Variants in NFKBIZ observed in about 807,000 individuals in gnomAD.
The protein encoded by NFKBIZ is NF-kappa-B inhibitor zeta.
NFKBIZ carries 19 observed loss-of-function variants against 76.8 expected under a neutral mutation model. That is an observed-to-expected ratio of 0.25 (90% CI 0.17 to 0.36). The LOEUF (loss-of-function observed/expected upper bound fraction) is 0.36, where lower values mean the gene tolerates loss of function less well. Among genes scored for constraint, NFKBIZ ranks in the 10% least tolerant of loss-of-function variants. The pLI, the probability that NFKBIZ is intolerant of heterozygous loss-of-function variation, is 1.00. For synonymous variants in NFKBIZ, 368 were observed against 354.8 expected, an observed-to-expected ratio of 1.04 and a Z score of -0.42; for missense variants, 829 against 910.9, an observed-to-expected ratio of 0.91 and a Z score of 1.16.
chr3:101,858,402 G>A (rs1943083166), intron 11 of NFKBIZ: 4 of 985,058 alleles, frequency 4.1e-6, no homozygotes, highest in Non-Finnish European at 4.8e-6. Context: ...ATTCAGAGAG[G>A]TTCCAAGGAC....
chr3:101,858,333 A>G, intron 11 of NFKBIZ: 3 of 964,702 alleles, frequency 3.1e-6, no homozygotes, highest in Non-Finnish European at 3.7e-6. Flanking sequence ...GTTTTCATGT[A>G]TATCATTTAA....
chr3:101,849,894 G>A lies in NFKBIZ; in HGVS notation c.266G>A (p.Gly89Asp). ...CGAVESRSRGGARAERQPVEP... is the reference protein window; with the variant it reads ...CGAVESRSRGDARAERQPVEP... ...GCCGTGGAGTCCCGGTCGAGAGGCG[G>A]CGCCCGCGCCGAGCGCCAGCCAGGT... Residue 89 changes from glycine (G) to aspartate (D), a missense_variant, in exon 1 of 12, where the codon GGC (glycine) becomes GAC (aspartate). Gly to Asp is a moderately conservative substitution (Grantham distance 94). Transcript: ENST00000326172. The A allele has an allele frequency of 7.0e-7, 1 of 1,431,720 alleles. No homozygotes were observed. Among genetic ancestry groups the A allele is most frequent in the South Asian group, 1.4e-5 (1 of 71,070 alleles). 88.7% of individuals were successfully genotyped at this position (1,431,720 alleles called of 1,614,324 possible).
chr3:101,857,183 G>T lies in NFKBIZ; in HGVS notation c.1935G>T (p.Lys645Asn). ...GTTGCCTGTCTTTTGTGAATGCAAA[G>T]GTACACCAGAGTTGGAATGGCCTTC... ...LPSCLSFVNA[K>N]AYNGNTALHV... The change falls in exon 10 of 12, where the codon AAG (lysine) becomes AAT (asparagine). Residue 645 changes from lysine (K) to asparagine (N), a missense_variant and splice_region_variant. Lys to Asn is a moderately conservative substitution (Grantham distance 94). Coordinates refer to ENST00000326172, the MANE Select transcript of NFKBIZ (RefSeq NM_031419.4). The T allele has an allele frequency of 4.3e-6, 1 of 234,674 alleles. No individual in the cohort carries two copies. Among genetic ancestry groups the T allele is most frequent in the South Asian group, 5.8e-5 (1 of 17,264 alleles). 14.5% of individuals were successfully genotyped at this position (234,674 alleles called of 1,614,324 possible).
chr3:101,855,661 A>AT (rs2107420664), intron 8 of NFKBIZ, 72 bp from the exon 9 acceptor site: 1 of 1,481,590 alleles, frequency 6.7e-7, no homozygotes, highest in East Asian at 2.3e-5. Flanking sequence ...CATCCTCAGC[A>AT]TTTGTCATTA....
chr3:101,841,353 T>G (rs1310669342), intron 2 of NFKBIZ, among the ~76,000 whole-genome samples: 2 of 152,340 alleles, frequency 1.3e-5, no homozygotes, highest in East Asian at 3.9e-4. Context: ...TAAGTGCCAG[T>G]AGAACTGAGT....
intron 2 of NFKBIZ, among the ~76,000 whole-genome samples, chr3:101,832,490 G>A (rs1942660206): frequency 6.6e-6 from 1 of 151,890 alleles, no homozygotes; most frequent in Admixed American, 6.6e-5. Context: ...CAAGTCCCTG[G>A]CAACCACCCC....
chr3:101,840,077 C>A (rs1409179685), intron 2 of NFKBIZ, among the ~76,000 whole-genome samples: 1 of 152,118 alleles, frequency 6.6e-6, no homozygotes, highest in Non-Finnish European at 1.5e-5. Context: ...TGTTTTAAGG[C>A]AGTTCAGATT....
At chr3:101,849,500 C>A, upstream of NFKBIZ, 1 of 804,918 alleles carries the variant, frequency 1.2e-6, no homozygotes, top group Non-Finnish European at 1.7e-6. Flanking sequence ...CCCTGGCAGT[C>A]CCGCGCCGCG....
chr3:101,851,938 T>G, intron 1 of NFKBIZ, 147 bp from the exon 2 acceptor site: 1 of 855,134 alleles, frequency 1.2e-6, no homozygotes, highest in Non-Finnish European at 1.8e-6. Context: ...CACAAGGCCA[T>G]TGATTGACCA....
chr3:101,843,681 G>A (rs1942815508), intron 2 of NFKBIZ, among the ~76,000 whole-genome samples: 1 of 152,088 alleles, frequency 6.6e-6, no homozygotes, highest in African/African-American at 2.4e-5. Context: ...AAAATCCATT[G>A]GCCACATCTT....
At chr3:101,837,216 A>G (rs978003779) in intron 2 of NFKBIZ, among the ~76,000 whole-genome samples, 4 of 152,196 alleles carry the variant, frequency 2.6e-5, no homozygotes, top group Admixed American at 2.6e-4. Context: ...TCATAATCAA[A>G]GGTAAATGTG....
chr3:101,855,563 C>T (rs945456835), intron 8 of NFKBIZ, 105 bp downstream of exon 8: 252 of 1,303,352 alleles, frequency 1.9e-4, no homozygotes, highest in Non-Finnish European at 2.4e-4. Flanking sequence ...CTAAAATATT[C>T]TGTAGGTAAA....
chr3:101,850,581 A>G (rs1402860320), intron 1 of NFKBIZ, among the ~76,000 whole-genome samples: 1 of 152,044 alleles, frequency 6.6e-6, no homozygotes, highest in Non-Finnish European at 1.5e-5. Context: ...GTTATCTTTC[A>G]TGGGCTGCGA....
chr3:101,834,401 C>T (rs1456902936), intron 2 of NFKBIZ, among the ~76,000 whole-genome samples: 1 of 151,944 alleles, frequency 6.6e-6, no homozygotes, highest in Non-Finnish European at 1.5e-5. Flanking sequence ...CACTCTGTTA[C>T]CCAGGCTGGA....
chr3:101,847,999 G>A (rs904984898), upstream of NFKBIZ, among the ~76,000 whole-genome samples: 17 of 152,286 alleles, frequency 1.1e-4, no homozygotes, highest in East Asian at 1.9e-4. Flanking sequence ...CCAAAAGAGC[G>A]AGACCTGTGG....
In NFKBIZ at chr3:101,857,432, G is replaced by A. The variant is rs550005587; in HGVS notation, c.2076G>A (p.Leu692=). ...TGGAGAACGAACAGCCAGTGCATTT[G>A]GTTCCCGATGGCCCTGTGGGAGAAC... ...RNLENEQPVH[L]VPDGPVGEQI... The change falls in exon 11 of 12, where the codon TTG becomes TTA. Residue 692 remains leucine (L), a synonymous_variant. Transcript: ENST00000326172. The A allele has an allele frequency of 2.2e-4, 349 of 1,614,170 alleles. 5 individuals are homozygous for A. In the South Asian group the frequency reaches 3.6e-3, roughly 17 times the overall value.
intron 11 of NFKBIZ, chr3:101,858,087 T>G: frequency 1.0e-6 from 1 of 953,834 alleles, no homozygotes; most frequent in Non-Finnish European, 1.2e-6. Context: ...TAACAAGAAC[T>G]TATTCTTTCA....
At chr3:101,856,446 A>T (rs539430468) in intron 9 of NFKBIZ, among the ~76,000 whole-genome samples, 14 of 152,364 alleles carry the variant, frequency 9.2e-5, no homozygotes, top group Non-Finnish European at 1.3e-4. Context: ...TATAAAATAA[A>T]TAGTCTTTGA....
rs1211266525 is a variant in NFKBIZ at position 101,849,902 on chromosome 3, G to A, written c.274G>A (p.Ala92Thr). The change falls in exon 1 of 12, where the codon GCC (alanine) becomes ACC (threonine). Residue 92 changes from alanine to threonine, a missense_variant. This residue lies in a region of NFKBIZ where 181 missense variants were observed against 175.3 expected (regional missense o/e 1.03). Coordinates refer to ENST00000326172, the MANE Select transcript of NFKBIZ (RefSeq NM_031419.4). ...GTCCCGGTCGAGAGGCGGCGCCCGC[G>A]CCGAGCGCCAGCCAGGTACCCGCCG... Reference protein sequence around the residue: ...VESRSRGGARAERQPVEPHMG... With the variant: ...VESRSRGGARTERQPVEPHMG... 8 of 1,428,222 alleles carry A rather than the reference G, an allele frequency of 5.6e-6. No individual in the cohort carries two copies. The highest frequency in any genetic ancestry group is 5.5e-6 in the Non-Finnish European group (6 of 1,098,362). The allele number at this position is 1,428,222 out of a possible 1,614,324, so 88.5% of individuals were successfully genotyped here. A position where few individuals can be genotyped will look rare whatever the true frequency, so the allele number is the denominator to read the frequency against.
Sources: allele counts gnomAD v4.1 joint callset (sites outside exome capture counted in the v4.1 genomes callset), GRCh38; gene constraint gnomAD v4.1.1; regional missense constraint gnomAD v4.1.1; transcripts MANE v1.5; gene names NCBI Gene and HGNC (gene_info 2026-07-23, HGNC 2026-07-21).